Variants in SGCZ observed in about 807,000 individuals in gnomAD.
SGCZ encodes the protein sarcoglycan zeta, also known as zeta-sarcoglycan.
SGCZ carries 40 observed loss-of-function variants against 41.3 expected under a neutral mutation model. The observed-to-expected ratio is 0.97, with a 90% CI of 0.75 to 1.26. The LOEUF (loss-of-function observed/expected upper bound fraction) is 1.26. Among genes scored for constraint, SGCZ ranks in the 50% most tolerant of loss-of-function variants. The pLI, the probability that SGCZ is intolerant of heterozygous loss-of-function variation, is 0.00. For missense variants in SGCZ, 552 were observed against 369.8 expected (o/e 1.49, Z -4.04); for synonymous variants, 206 against 137.5 (o/e 1.50, Z -3.49).
intron 1 of SGCZ, among the ~76,000 whole-genome samples, chr8:14,665,784 C>T (rs868541473): frequency 6.6e-6 from 1 of 152,100 alleles, no homozygotes; most frequent in Admixed American, 6.6e-5. Flanking sequence ...GTGTAGAAAT[C>T]TTTACTAGCT....
chr8:14,420,213 C>G (rs1254998547), intron 2 of SGCZ, among the ~76,000 whole-genome samples: 1 of 151,844 alleles, frequency 6.6e-6, no homozygotes, highest in African/African-American at 2.4e-5. Context: ...ATTTTTTCAG[C>G]CTTTTCATTT....
chr8:14,245,542 C>G (rs1015580324), intron 3 of SGCZ, among the ~76,000 whole-genome samples: 2 of 152,140 alleles, frequency 1.3e-5, no homozygotes. Context: ...TTGGCAAGGA[C>G]TTCATGTCTA....
chr8:14,582,503 CTTTAAA>C (rs1804924662), intron 1 of SGCZ, among the ~76,000 whole-genome samples: 1 of 151,958 alleles, frequency 6.6e-6, no homozygotes, highest in Admixed American at 6.6e-5. Context: ...ACACTCTTTT[CTTTAAA>C]TTTATTTTAT....
intron 2 of SGCZ, among the ~76,000 whole-genome samples, chr8:14,435,387 T>C (rs879830069): frequency 4.6e-5 from 7 of 152,194 alleles, no homozygotes; most frequent in Admixed American, 1.3e-4. Flanking sequence ...CCCAAGCACT[T>C]GTGCAACTGA....
intron 2 of SGCZ, among the ~76,000 whole-genome samples, chr8:14,494,387 G>A (rs1801929688): frequency 6.6e-6 from 1 of 152,122 alleles, no homozygotes; most frequent in Non-Finnish European, 1.5e-5. Context: ...GTGACAGAAT[G>A]TCAGAATCCC....
intron 1 of SGCZ, among the ~76,000 whole-genome samples, chr8:14,692,734 C>A (rs962573936): frequency 2.0e-5 from 3 of 152,152 alleles, no homozygotes; most frequent in Admixed American, 6.5e-5. Flanking sequence ...CCTTTTATAT[C>A]TATCTTAGAC....
intron 1 of SGCZ, among the ~76,000 whole-genome samples, chr8:14,695,153 G>A (rs1201137864): frequency 6.6e-6 from 1 of 151,640 alleles, no homozygotes; most frequent in Non-Finnish European, 1.5e-5. Context: ...TGCAATGGGA[G>A]TTAAAATAAA....
At chr8:14,260,427 C>T (rs1168265883) in intron 3 of SGCZ, among the ~76,000 whole-genome samples, 1 of 143,366 alleles carries the variant, frequency 7.0e-6, no homozygotes, top group African/African-American at 2.5e-5. Flanking sequence ...GAATGGCGAT[C>T]ATTAAAAAGT....
At chr8:14,424,436 C>T (rs947963400) in intron 2 of SGCZ, among the ~76,000 whole-genome samples, 3 of 152,106 alleles carry the variant, frequency 2.0e-5, no homozygotes, top group African/African-American at 7.2e-5. Context: ...ATTAAACGTC[C>T]TATCAAAAGA....
intron 3 of SGCZ, among the ~76,000 whole-genome samples, chr8:14,289,749 G>A (rs906389145): frequency 2.0e-5 from 3 of 151,376 alleles, no homozygotes; most frequent in Admixed American, 6.6e-5. Context: ...TAGGAAAACT[G>A]CATATACATA....
At chr8:14,265,411 C>G (rs1309260178) in intron 3 of SGCZ, among the ~76,000 whole-genome samples, 2 of 152,076 alleles carry the variant, frequency 1.3e-5, no homozygotes. Flanking sequence ...TTGAAAATGT[C>G]AAATCCTGGA....
chr8:14,628,219 A>G (rs1399227376), intron 1 of SGCZ, among the ~76,000 whole-genome samples: 1 of 152,118 alleles, frequency 6.6e-6, no homozygotes, highest in Non-Finnish European at 1.5e-5. Context: ...CAAGTCATCT[A>G]AAAAAGATCC....
intron 3 of SGCZ, among the ~76,000 whole-genome samples, chr8:14,289,095 C>T (rs371224078): frequency 1.1e-4 from 17 of 152,114 alleles, no homozygotes; most frequent in South Asian, 4.2e-4. Context: ...CGTGTATTCA[C>T]GTTATTTGTA....
intron 1 of SGCZ, among the ~76,000 whole-genome samples, chr8:15,118,344 C>T (rs1357092785): frequency 6.6e-6 from 1 of 151,942 alleles, no homozygotes. Flanking sequence ...CCAGCTAGTC[C>T]TTGGCTAACT....
At chr8:14,190,600 A>C (rs1805068308) in intron 4 of SGCZ, among the ~76,000 whole-genome samples, 3 of 151,366 alleles carry the variant, frequency 2.0e-5, no homozygotes, top group African/African-American at 7.3e-5. Context: ...ATCTTCTCTT[A>C]ATTTCTTTTT....
At position 15,056,436 on chromosome 8, in the gene SGCZ, G is replaced by A. The variant is rs56874739; in HGVS notation, c.39+181149C>T. Among the ~76,000 whole-genome samples the A allele has an allele frequency of 5.2e-3, 794 of 152,054 alleles. 6 individuals carry two copies. The highest frequency in any genetic ancestry group is 0.018 in the African/African-American group (755 of 41,456). On this transcript the variant is annotated intron_variant, in intron 1 of 7. Coordinates refer to ENST00000382080, the MANE Select transcript of SGCZ (RefSeq NM_139167.4). ...GAACTCTTACTCCGGGATTCAAACA[G>A]TGCCAGGCCCATTGTAAGTTGAACA...
chr8:14,993,957 G>A (rs569684433), intron 1 of SGCZ, among the ~76,000 whole-genome samples: 1 of 152,304 alleles, frequency 6.6e-6, no homozygotes, highest in African/African-American at 2.4e-5. Context: ...CTGTAAAGAA[G>A]CAAGGTCAGA....
chr8:15,146,531 T>C (rs1799041553), intron 1 of SGCZ, among the ~76,000 whole-genome samples: 1 of 152,230 alleles, frequency 6.6e-6, no homozygotes, highest in African/African-American at 2.4e-5. Flanking sequence ...TGTACCACTG[T>C]ACCTGGCAGG....
intron 1 of SGCZ, among the ~76,000 whole-genome samples, chr8:14,926,954 A>T (rs1799774021): frequency 6.6e-6 from 1 of 151,932 alleles, no homozygotes. Flanking sequence ...TTTGATTTTA[A>T]TGGAGAAATG....
Sources: gnomAD v4.1 joint callset for allele counts (sites outside exome capture counted in the v4.1 genomes callset) on GRCh38, gnomAD v4.1.1 for gene constraint, MANE v1.5 for transcripts, NCBI Gene and HGNC (gene_info 2026-07-23, HGNC 2026-07-21) for gene names.